Variants in SPACDR observed in about 807,000 individuals in gnomAD.
SPACDR encodes the protein uncharacterized protein C7orf61.
chr7:100,457,799 A>ATG, the SPACDR span, among the ~76,000 whole-genome samples: 678 of 45,658 alleles, frequency 0.015, 3 homozygotes, highest in Non-Finnish European at 0.017. Flanking sequence ...TTTTATATAT[A>ATG]TATATGTGTG....
At chr7:100,457,111 T>C in the SPACDR span, 2 of 605,506 alleles carry the variant, frequency 3.3e-6, no homozygotes, top group African/African-American at 1.9e-5. Context: ...GCCCAACTCA[T>C]ACATCACCTC....
the SPACDR span, among the ~76,000 whole-genome samples, chr7:100,459,236 T>G: frequency 6.6e-6 from 1 of 151,630 alleles, no homozygotes; most frequent in Non-Finnish European, 1.5e-5. Context: ...GGTCTTGATC[T>G]CCTGACCTCG....
At chr7:100,460,953 G>A in the SPACDR span, among the ~76,000 whole-genome samples, 2 of 152,186 alleles carry the variant, frequency 1.3e-5, no homozygotes, top group Admixed American at 1.3e-4. Context: ...GTCTTCAAGG[G>A]CTCCCATTGC....
the SPACDR span, among the ~76,000 whole-genome samples, chr7:100,461,162 C>T: frequency 6.6e-6 from 1 of 152,236 alleles, no homozygotes; most frequent in East Asian, 1.9e-4. Context: ...CGGGTCATTG[C>T]AACCACTGCT....
the SPACDR span, chr7:100,463,543 C>T: frequency 1.9e-6 from 3 of 1,613,904 alleles, no homozygotes; most frequent in African/African-American, 4.0e-5. Flanking sequence ...ACTCACCCAA[C>T]TTGGGCTTAG....
the SPACDR span, among the ~76,000 whole-genome samples, chr7:100,459,886 C>A: frequency 6.6e-6 from 1 of 151,712 alleles, no homozygotes; most frequent in Non-Finnish European, 1.5e-5. Context: ...TGAACATCCA[C>A]ATTTAGATTT....
the SPACDR span, chr7:100,456,998 G>A: frequency 6.3e-7 from 1 of 1,596,882 alleles, no homozygotes; most frequent in African/African-American, 1.3e-5. Flanking sequence ...GTAAGAGAAA[G>A]AGAAGATGTG....
At chr7:100,456,865 G>A in the SPACDR span, 61 of 1,613,364 alleles carry the variant, frequency 3.8e-5, no homozygotes, top group African/African-American at 5.3e-5. Flanking sequence ...TACAGCCGGC[G>A]CAGGTGTTTC....
At chr7:100,463,609 C>T in the SPACDR span, 2 of 1,613,832 alleles carry the variant, frequency 1.2e-6, no homozygotes, top group Non-Finnish European at 1.7e-6. Context: ...GAGTCTTCTC[C>T]ATCTTCTTCA....
At chr7:100,459,698 C>T in the SPACDR span, among the ~76,000 whole-genome samples, 3 of 152,102 alleles carry the variant, frequency 2.0e-5, no homozygotes, top group African/African-American at 7.2e-5. Flanking sequence ...ACCCTGGGCT[C>T]GAGCGATGCT....
chr7:100,463,928 C>A, the SPACDR span: 1 of 1,590,318 alleles, frequency 6.3e-7, no homozygotes, highest in South Asian at 1.1e-5. Flanking sequence ...CTCATCCCAG[C>A]GCATCATGAG....
At chr7:100,457,467 C>T in the SPACDR span, among the ~76,000 whole-genome samples, 3 of 150,506 alleles carry the variant, frequency 2.0e-5, no homozygotes, top group African/African-American at 7.3e-5. Flanking sequence ...TACAGGTGCT[C>T]GCTATCACGC....
chr7:100,463,748 C>T, the SPACDR span: 1 of 1,458,958 alleles, frequency 6.9e-7, no homozygotes, highest in South Asian at 1.1e-5. Context: ...ACAACACCAT[C>T]CACAGAAAAG....
the SPACDR span, among the ~76,000 whole-genome samples, chr7:100,460,458 G>GT: frequency 1.3e-5 from 2 of 151,920 alleles, no homozygotes; most frequent in Non-Finnish European, 2.9e-5. Context: ...AGACATGGTG[G>GT]TGAGTGCCTG....
the SPACDR span, chr7:100,456,803 GGGGGCAGCATGGCATCGGACGT>G: frequency 6.2e-7 from 1 of 1,613,250 alleles, no homozygotes; most frequent in Admixed American, 1.7e-5. Context: ...GGTTGGGTCG[GGGGGCAGCATGGCATCGGACGT>G]GGTGCCGTCT....
the SPACDR span, among the ~76,000 whole-genome samples, chr7:100,460,915 T>C: frequency 6.6e-6 from 1 of 152,006 alleles, no homozygotes; most frequent in Non-Finnish European, 1.5e-5. Context: ...AAAATCAACA[T>C]TTGATCATGT....
chr7:100,457,043 C>T, the SPACDR span: 23 of 1,281,354 alleles, frequency 1.8e-5, no homozygotes, highest in South Asian at 2.7e-5. Context: ...GAGAAACTGC[C>T]GCTAGAACGA....
At chr7:100,463,341 G>C in the SPACDR span, 1 of 1,534,950 alleles carries the variant, frequency 6.5e-7, no homozygotes, top group Non-Finnish European at 8.8e-7. Context: ...AAAGAGGGAG[G>C]GGGTGTTAGG....
the SPACDR span, among the ~76,000 whole-genome samples, chr7:100,459,915 A>G: frequency 1.3e-5 from 2 of 149,252 alleles, no homozygotes; most frequent in African/African-American, 4.9e-5. Flanking sequence ...TTTTAGATGG[A>G]GTCTCGCTCT....
Sources: allele counts gnomAD v4.1 joint callset (sites outside exome capture counted in the v4.1 genomes callset), GRCh38; gene constraint gnomAD v4.1.1; transcripts MANE v1.5; gene names NCBI Gene and HGNC (gene_info 2026-07-23, HGNC 2026-07-21).